KAT2B: variants seen among roughly 807,000 people sequenced by gnomAD.
KAT2B encodes lysine acetyltransferase 2B, also known as histone acetyltransferase KAT2B.
In KAT2B, 36 loss-of-function variants were observed where a neutral mutation model predicts 105.9. That is an observed-to-expected ratio of 0.34 (90% CI 0.26 to 0.45). KAT2B has a LOEUF of 0.45. Ranked by LOEUF, KAT2B falls within the 20% of genes least tolerant of loss-of-function variation. The pLI is 1.00. For missense variants in KAT2B, 820 were observed against 1,021.6 expected, an observed-to-expected ratio of 0.80 and a Z score of 2.69; for synonymous variants, 397 against 377.9, an observed-to-expected ratio of 1.05 and a Z score of -0.59.
At chr3:20,081,660 A>G (rs1000049214) in intron 2 of KAT2B, among the ~76,000 whole-genome samples, 1 of 152,156 alleles carries the variant, frequency 6.6e-6, no homozygotes, top group Admixed American at 6.5e-5. Flanking sequence ...AGTGTATATC[A>G]ATGCTTTGTA....
chr3:20,070,526 G>A (rs1289323065), intron 1 of KAT2B, among the ~76,000 whole-genome samples: 3 of 150,132 alleles, frequency 2.0e-5, no homozygotes, highest in Admixed American at 6.6e-5. Flanking sequence ...GGGTAATCTC[G>A]ATCTCCTGAC....
At chr3:20,099,234 A>C (rs1201337012) in intron 3 of KAT2B, among the ~76,000 whole-genome samples, 1 of 152,180 alleles carries the variant, frequency 6.6e-6, no homozygotes, top group Non-Finnish European at 1.5e-5. Flanking sequence ...GTTGGCCTGC[A>C]TTCTACGGAT....
chr3:20,083,132 T>G (rs1698549393), intron 2 of KAT2B, among the ~76,000 whole-genome samples: 1 of 152,050 alleles, frequency 6.6e-6, no homozygotes, highest in South Asian at 2.1e-4. Flanking sequence ...ATGAGGGAGG[T>G]TAAATTAGGG....
rs1559336007 is a variant in KAT2B at position 20,152,559 on chromosome 3, A to G, written c.*34A>G. The G allele has an allele frequency of 6.4e-7, 1 of 1,556,788 alleles. No individual in the cohort carries two copies. Among genetic ancestry groups the G allele is most frequent in the South Asian group, 1.1e-5 (1 of 89,430 alleles). On this transcript the variant is annotated 3_prime_UTR_variant, in exon 18 of 18. Transcript: ENST00000263754. ...CCCCTCTGCTTCTTAGAAACTCACC[A>G]AGCAGTGTGCCTAAAGCAAGGTGGT...
At chr3:20,104,989 G>A (rs970560050) in intron 5 of KAT2B, among the ~76,000 whole-genome samples, 1 of 151,570 alleles carries the variant, frequency 6.6e-6, no homozygotes, top group African/African-American at 2.4e-5. Flanking sequence ...GAGTTCAGGC[G>A]ATTTTCCTGC....
At chr3:20,065,592 G>A (rs1276139811) in intron 1 of KAT2B, among the ~76,000 whole-genome samples, 1 of 152,138 alleles carries the variant, frequency 6.6e-6, no homozygotes, top group Non-Finnish European at 1.5e-5. Flanking sequence ...GACACAGTAT[G>A]TCCTTTTTAG....
intron 8 of KAT2B, among the ~76,000 whole-genome samples, chr3:20,120,507 T>C (rs1361779822): frequency 6.6e-6 from 1 of 152,124 alleles, no homozygotes; most frequent in East Asian, 1.9e-4. Context: ...GGATTATAGG[T>C]GTGAGCCACC....
intron 10 of KAT2B, 112 bp from the exon 11 acceptor site, chr3:20,127,311 A>G (rs1018083628): frequency 5.2e-6 from 5 of 961,684 alleles, no homozygotes; most frequent in Non-Finnish European, 3.2e-6. Context: ...GGAAGTTTCT[A>G]TAGAAACTTA....
At chr3:20,059,780 A>G (rs965273809) in intron 1 of KAT2B, among the ~76,000 whole-genome samples, 1 of 152,242 alleles carries the variant, frequency 6.6e-6, no homozygotes, top group Admixed American at 6.5e-5. Flanking sequence ...TTTTAAGTGT[A>G]CAATTCAATG....
intron 1 of KAT2B, among the ~76,000 whole-genome samples, chr3:20,063,759 T>C (rs767640176): frequency 6.6e-6 from 1 of 151,944 alleles, no homozygotes; most frequent in Non-Finnish European, 1.5e-5. Flanking sequence ...GCCAGGCTGG[T>C]CTTGAACTCC....
chr3:20,063,234 A>C (rs776016330), intron 1 of KAT2B, among the ~76,000 whole-genome samples: 1 of 151,928 alleles, frequency 6.6e-6, no homozygotes, highest in Non-Finnish European at 1.5e-5. Flanking sequence ...TGTCCAGCTA[A>C]TTTTTAAAAT....
At chr3:20,062,031 ATATATT>A (rs1698121126) in intron 1 of KAT2B, among the ~76,000 whole-genome samples, 5 of 103,766 alleles carry the variant, frequency 4.8e-5, no homozygotes, top group East Asian at 2.8e-4. Flanking sequence ...AAAACATAAT[ATATATT>A]ATATATAAAA....
At position 20,101,284 on chromosome 3, in the gene KAT2B, A is replaced by C. The variant is rs369438366; in HGVS notation, c.670-3A>C. ...TGAAGAAATTGCCTTCCCTCTTTTTAAGGGTGTGAATAACTTTGTGCAGTA... is the reference window on the plus strand; with the variant it reads ...TGAAGAAATTGCCTTCCCTCTTTTTCAGGGTGTGAATAACTTTGTGCAGTA... On this transcript the variant is annotated splice_region_variant and splice_polypyrimidine_tract_variant and intron_variant, in intron 4 of 17. Coordinates refer to ENST00000263754, the MANE Select transcript of KAT2B (RefSeq NM_003884.5). The C allele has an allele frequency of 6.6e-5, 106 of 1,613,076 alleles. No individual in the cohort carries two copies. The African/African-American group carries it at 1.3e-3, about 20-fold the overall frequency.
At position 20,114,934 on chromosome 3, in the gene KAT2B, G is replaced by C. The variant is rs199916721; in HGVS notation, c.1096G>C (p.Asp366His). ...ATATAGTCAAAACTCTCCCATCTGG[G>C]ATCAGGATTTTCTCTCAGCCTCTTC... ...EVYSQNSPIW[D>H]QDFLSASSRT... is the part of the protein sequence containing the mutation. The change falls in exon 7 of 18, where the codon GAT becomes CAT. Residue 366 changes from aspartate to histidine, a missense_variant. Asp to His is a moderately conservative substitution (Grantham distance 81). Transcript: ENST00000263754. 82 of 1,613,008 alleles carry C rather than the reference G, an allele frequency of 5.1e-5. No individual in the cohort carries two copies. The highest frequency in any genetic ancestry group is 6.6e-5 in the Non-Finnish European group (78 of 1,179,240).
chr3:20,147,111 A>T (rs1699794670), intron 14 of KAT2B, among the ~76,000 whole-genome samples: 1 of 152,180 alleles, frequency 6.6e-6, no homozygotes, highest in Non-Finnish European at 1.5e-5. Flanking sequence ...AATTTTGTTC[A>T]GTTCAAATCC....
At chr3:20,118,328 TTGTG>T (rs10558647) in intron 7 of KAT2B, among the ~76,000 whole-genome samples, 7,436 of 139,108 alleles carry the variant, frequency 0.053, 618 homozygotes, top group African/African-American at 0.18. Context: ...TCTCCTAAAT[TTGTG>T]TGTGTGTGTG....
Position 20,072,453 on chromosome 3 carries a change from G to T in KAT2B, c.424G>T (p.Ala142Ser). Reference protein sequence around the residue: ...LTESCRSCSHALAAHVSHLEN... With the variant: ...LTESCRSCSHSLAAHVSHLEN... Reference sequence around the variant, plus strand: ...AGAATCCTGTCGGAGTTGTAGCCATGCCCTAGGTGAGTTCCTAAATCTTCA... The same window carrying T: ...AGAATCCTGTCGGAGTTGTAGCCATTCCCTAGGTGAGTTCCTAAATCTTCA... Residue 142 changes from alanine to serine, a missense_variant, in exon 2 of 18, where the codon GCC becomes TCC. By Grantham distance (99) the Ala-to-Ser change is moderately conservative. Coordinates refer to ENST00000263754, the MANE Select transcript of KAT2B (RefSeq NM_003884.5). 6.2e-7 allele frequency: 1 copy of T among 1,613,674 alleles called. No individual in the cohort carries two copies.
chr3:20,076,587 A>G (rs887602614), intron 2 of KAT2B, among the ~76,000 whole-genome samples: 1 of 152,186 alleles, frequency 6.6e-6, no homozygotes, highest in African/African-American at 2.4e-5. Context: ...GGCAGAAGGG[A>G]TAGTTGAATG....
At chr3:20,060,198 T>A (rs879496411) in intron 1 of KAT2B, among the ~76,000 whole-genome samples, 1 of 152,256 alleles carries the variant, frequency 6.6e-6, no homozygotes, top group Non-Finnish European at 1.5e-5. Flanking sequence ...GGCATCTGCA[T>A]GCAAGTCTTA....
Sources: gnomAD v4.1 joint callset for allele counts (sites outside exome capture counted in the v4.1 genomes callset) on GRCh38, gnomAD v4.1.1 for gene constraint, MANE v1.5 for transcripts, NCBI Gene and HGNC (gene_info 2026-07-23, HGNC 2026-07-21) for gene names.